CAST: variants seen among roughly 807,000 people sequenced by gnomAD.
CAST encodes MIR583 host.
A neutral mutation model predicts 119.6 loss-of-function variants in CAST; 76 were observed. That is an observed-to-expected ratio of 0.64 (90% CI 0.53 to 0.77). The LOEUF is 0.77. CAST is among the 30% of genes least tolerant of loss of function. The probability of loss-of-function intolerance (pLI) is 0.00; values close to 1 mark genes in which losing one functional copy is unlikely to be tolerated. For missense variants in CAST, 953 were observed against 946.5 expected (o/e 1.01, Z -0.09); for synonymous variants, 319 against 331.6 (o/e 0.96, Z 0.41).
the CAST span, among the ~76,000 whole-genome samples, chr5:95,981,356 A>G: frequency 1.3e-5 from 2 of 152,240 alleles, no homozygotes; most frequent in African/African-American, 4.8e-5. Context: ...TTCTGCCCCT[A>G]AAATGAAGAA....
the CAST span, among the ~76,000 whole-genome samples, chr5:96,406,795 G>A: frequency 1.3e-5 from 2 of 152,142 alleles, no homozygotes; most frequent in African/African-American, 2.4e-5. Flanking sequence ...CTCCTTATTA[G>A]GAAGGATAAT....
chr5:96,764,778 A>G (rs756295789), intron 25 of CAST, among the ~76,000 whole-genome samples: 1 of 152,188 alleles, frequency 6.6e-6, no homozygotes, highest in Non-Finnish European at 1.5e-5. Context: ...CTTGCTTCCT[A>G]ACCATCTGAC....
chr5:96,759,344 A>G (rs1208965145), intron 24 of CAST, among the ~76,000 whole-genome samples: 1 of 152,156 alleles, frequency 6.6e-6, no homozygotes, highest in African/African-American at 2.4e-5. Flanking sequence ...AAAAAGAAAC[A>G]CTTAAAACTA....
intron 1 of CAST, among the ~76,000 whole-genome samples, chr5:96,568,500 G>T (rs1040905882): frequency 7.0e-6 from 1 of 142,330 alleles, no homozygotes; most frequent in Non-Finnish European, 1.5e-5. Context: ...GGGAGGCAGA[G>T]TTTGCAGTGA....
chr5:96,725,616 T>C (rs17086596), intron 4 of CAST, among the ~76,000 whole-genome samples: 9,251 of 152,256 alleles, frequency 0.061, 593 homozygotes, highest in East Asian at 0.21. Context: ...TTCAGCACAA[T>C]CACTACAAAA....
chr5:96,168,411 A>T, the CAST span, among the ~76,000 whole-genome samples: 1 of 152,206 alleles, frequency 6.6e-6, no homozygotes, highest in African/African-American at 2.4e-5. Context: ...CTGCCTATAC[A>T]ACAGCATGGT....
intron 1 of CAST, among the ~76,000 whole-genome samples, chr5:96,553,955 G>A (rs758939063): frequency 1.2e-4 from 19 of 152,168 alleles, no homozygotes; most frequent in Non-Finnish European, 2.4e-4. Flanking sequence ...GGAAGAATCA[G>A]TATTGTAAAA....
At chr5:96,506,719 C>T in the CAST span, among the ~76,000 whole-genome samples, 2 of 152,276 alleles carry the variant, frequency 1.3e-5, no homozygotes, top group Non-Finnish European at 2.9e-5. Context: ...GAGAAAGTCT[C>T]TACTGAAGGA....
At chr5:96,756,604 C>T (rs1199357732) in intron 22 of CAST, among the ~76,000 whole-genome samples, 1 of 152,140 alleles carries the variant, frequency 6.6e-6, no homozygotes, top group East Asian at 1.9e-4. Context: ...AATTTTGGAG[C>T]ATTTAAATTG....
the CAST span, among the ~76,000 whole-genome samples, chr5:96,360,897 G>A: frequency 6.6e-6 from 1 of 152,194 alleles, no homozygotes; most frequent in Non-Finnish European, 1.5e-5. Context: ...GAGTCAGCAG[G>A]CAGGAATGTT....
chr5:96,131,794 A>C, the CAST span, among the ~76,000 whole-genome samples: 2 of 152,186 alleles, frequency 1.3e-5, no homozygotes, highest in African/African-American at 4.8e-5. Context: ...GAAAAATAGC[A>C]TTTTAGAAAA....
At chr5:96,355,888 G>A in the CAST span, among the ~76,000 whole-genome samples, 1,117 of 152,142 alleles carry the variant, frequency 7.3e-3, 7 homozygotes, top group Non-Finnish European at 0.013. Flanking sequence ...TTTTAGTATA[G>A]ATGGGGTTTC....
chr5:96,022,009 T>C, the CAST span, among the ~76,000 whole-genome samples: 1 of 152,240 alleles, frequency 6.6e-6, no homozygotes, highest in Non-Finnish European at 1.5e-5. Flanking sequence ...ATTTTTTCTT[T>C]CCATTGTTAT....
At chr5:96,159,123 T>C in the CAST span, among the ~76,000 whole-genome samples, 41 of 152,328 alleles carry the variant, frequency 2.7e-4, no homozygotes, top group African/African-American at 9.6e-4. Flanking sequence ...AAAATTCCAC[T>C]GTGGGAAGTA....
the CAST span, among the ~76,000 whole-genome samples, chr5:96,108,902 C>T: frequency 6.6e-6 from 1 of 152,254 alleles, no homozygotes; most frequent in Non-Finnish European, 1.5e-5. Flanking sequence ...ACCCTCCAAG[C>T]CATGTGCGGG....
the CAST span, among the ~76,000 whole-genome samples, chr5:96,468,027 A>G: frequency 5.4e-3 from 825 of 151,382 alleles, 15 homozygotes; most frequent in African/African-American, 0.019. Flanking sequence ...AAGTTGGTAT[A>G]TATATGCACC....
At chr5:96,231,299 C>G in the CAST span, among the ~76,000 whole-genome samples, 2 of 151,818 alleles carry the variant, frequency 1.3e-5, no homozygotes, top group Admixed American at 6.6e-5. Context: ...GGTCTTTGGC[C>G]GCAAAAAGGA....
the CAST span, among the ~76,000 whole-genome samples, chr5:96,178,796 A>T: frequency 2.0e-5 from 3 of 152,300 alleles, no homozygotes; most frequent in South Asian, 6.2e-4. Flanking sequence ...GGATAATATG[A>T]TGGAGTAATG....
At chr5:96,034,462 T>TACACACACACACACACACAC in the CAST span, among the ~76,000 whole-genome samples, 154 of 101,826 alleles carry the variant, frequency 1.5e-3, 3 homozygotes, top group Middle Eastern at 0.011. Flanking sequence ...GTATATATCA[T>TACACACACACACACACACAC]ACACACACAC....
Sources: gnomAD v4.1 joint callset for allele counts (sites outside exome capture counted in the v4.1 genomes callset) on GRCh38, gnomAD v4.1.1 for gene constraint, MANE v1.5 for transcripts, NCBI Gene and HGNC (gene_info 2026-07-23, HGNC 2026-07-21) for gene names.